Variants in PHLPP1 observed in about 807,000 individuals in gnomAD.
PHLPP1 encodes the protein PH domain leucine-rich repeat-containing protein phosphatase 1.
A neutral mutation model predicts 117.2 loss-of-function variants in PHLPP1; 42 were observed. The observed-to-expected ratio is 0.36, with a 90% CI of 0.28 to 0.46. The LOEUF (loss-of-function observed/expected upper bound fraction) is 0.46, where lower values mean the gene tolerates loss of function less well. Ranked by LOEUF, PHLPP1 falls within the 20% of genes least tolerant of loss-of-function variation. The probability of loss-of-function intolerance (pLI) is 1.00; values close to 1 mark genes in which losing one functional copy is unlikely to be tolerated. For missense variants in PHLPP1, 2,084 were observed against 2,241.9 expected (o/e 0.93, Z 1.42); for synonymous variants, 1,042 against 970.7 (o/e 1.07, Z -1.37).
rs529560556 is a variant in PHLPP1 at position 62,974,482 on chromosome 18, C to T, written c.3756-915C>T. On this transcript the variant is annotated intron_variant, in intron 15 of 16. Transcript: ENST00000262719. ...TACCTGAGGGTCTGCCCTTGTAAAACGGGAGGCTGTTTTTCTTAACTTTCT... is the reference window on the plus strand; with the variant it reads ...TACCTGAGGGTCTGCCCTTGTAAAATGGGAGGCTGTTTTTCTTAACTTTCT... 6.0e-4 allele frequency among the ~76,000 whole-genome samples: 91 copies of T among 152,222 alleles called. 1 individual carries two copies. In the South Asian group the frequency reaches 0.014, roughly 24 times the overall value.
chr18:62,740,476 A>G (rs1030271997), intron 1 of PHLPP1, among the ~76,000 whole-genome samples: 1 of 152,204 alleles, frequency 6.6e-6, no homozygotes, highest in African/African-American at 2.4e-5. Context: ...GTTCAGGTAG[A>G]TATGTAGATA....
intron 1 of PHLPP1, among the ~76,000 whole-genome samples, chr18:62,749,263 A>G (rs1339901887): frequency 6.6e-6 from 1 of 151,312 alleles, no homozygotes. Flanking sequence ...TAAGTTTTGC[A>G]GCCTCATATG....
At chr18:62,774,452 A>G (rs1446604319) in intron 1 of PHLPP1, among the ~76,000 whole-genome samples, 1 of 152,188 alleles carries the variant, frequency 6.6e-6, no homozygotes, top group East Asian at 1.9e-4. Context: ...AATGGATTGC[A>G]AAGTTGTGAT....
intron 10 of PHLPP1, among the ~76,000 whole-genome samples, chr18:62,922,493 A>AG (rs2144428767): frequency 6.6e-6 from 1 of 152,330 alleles, no homozygotes; most frequent in African/African-American, 2.4e-5. Flanking sequence ...AGATCACTTT[A>AG]GACATATGCT....
At chr18:62,955,778 C>T (rs985541491) in intron 12 of PHLPP1, among the ~76,000 whole-genome samples, 3 of 152,156 alleles carry the variant, frequency 2.0e-5, no homozygotes, top group Non-Finnish European at 4.4e-5. Flanking sequence ...TGCCTTTAAT[C>T]TTTGACCAAA....
At chr18:62,929,973 G>A (rs780335296) in intron 10 of PHLPP1, among the ~76,000 whole-genome samples, 10 of 152,014 alleles carry the variant, frequency 6.6e-5, no homozygotes, top group South Asian at 4.2e-4. Context: ...AAAATAATGC[G>A]CTTAGAAATG....
At chr18:62,772,963 C>G (rs1041402775) in intron 1 of PHLPP1, among the ~76,000 whole-genome samples, 1 of 151,914 alleles carries the variant, frequency 6.6e-6, no homozygotes. Context: ...TCCCACCCCC[C>G]CAAAAAAAAC....
chr18:62,755,492 G>T (rs1911987857), intron 1 of PHLPP1, among the ~76,000 whole-genome samples: 1 of 152,118 alleles, frequency 6.6e-6, no homozygotes. Flanking sequence ...CCTTTTTGGG[G>T]GTGATTAGGT....
intron 1 of PHLPP1, among the ~76,000 whole-genome samples, chr18:62,722,307 A>AT (rs933993130): frequency 1.3e-5 from 2 of 152,162 alleles, no homozygotes; most frequent in African/African-American, 4.8e-5. Context: ...AGATTTAATG[A>AT]TTTTGTTATG....
At chr18:62,875,836 G>A (rs533464084) in intron 4 of PHLPP1, among the ~76,000 whole-genome samples, 131 of 151,966 alleles carry the variant, frequency 8.6e-4, no homozygotes, top group Non-Finnish European at 1.7e-3. Context: ...GCGTTCAAGT[G>A]ATTCTCCTGC....
chr18:62,726,850 C>T (rs1911088602), intron 1 of PHLPP1, among the ~76,000 whole-genome samples: 1 of 151,702 alleles, frequency 6.6e-6, no homozygotes, highest in Middle Eastern at 3.2e-3. Context: ...TCCCAAAGTT[C>T]TGGGATTACA....
intron 10 of PHLPP1, among the ~76,000 whole-genome samples, chr18:62,929,274 T>A (rs544562375): frequency 6.6e-6 from 1 of 152,328 alleles, no homozygotes; most frequent in Admixed American, 6.5e-5. Flanking sequence ...TGTAGCTTTT[T>A]AGGTATACAC....
intron 2 of PHLPP1, among the ~76,000 whole-genome samples, chr18:62,834,895 A>G (rs549833486): frequency 5.3e-5 from 8 of 152,080 alleles, no homozygotes; most frequent in African/African-American, 1.9e-4. Context: ...TCCATCCCTA[A>G]GAAACCTTTT....
chr18:62,940,130 C>T (rs1259885487), intron 10 of PHLPP1, among the ~76,000 whole-genome samples: 5 of 152,042 alleles, frequency 3.3e-5, no homozygotes, highest in Admixed American at 3.3e-4. Flanking sequence ...CGTCATGAAT[C>T]AGGAGGGTCA....
intron 1 of PHLPP1, among the ~76,000 whole-genome samples, chr18:62,782,512 A>G (rs1913147378): frequency 6.6e-6 from 1 of 152,230 alleles, no homozygotes; most frequent in Non-Finnish European, 1.5e-5. Context: ...TTCTTGCTTA[A>G]AAGTATCTTA....
At position 62,927,121 on chromosome 18, in the gene PHLPP1, G is replaced by A. The variant is rs567848642; in HGVS notation, c.2960+7007G>A. 1.2e-4 allele frequency among the ~76,000 whole-genome samples: 19 copies of A among 152,242 alleles called. No individual in the cohort carries two copies. The East Asian group carries it at 2.9e-3, about 23-fold the overall frequency. On this transcript the variant is annotated intron_variant, in intron 10 of 16. Coordinates refer to ENST00000262719, the MANE Select transcript of PHLPP1 (RefSeq NM_194449.4). ...TTGGTAAAGAGGAAGCGAAGCAAAT[G>A]GGGAAAACTAAAGGTTCTACAAGAC...
intron 1 of PHLPP1, among the ~76,000 whole-genome samples, chr18:62,824,467 G>A (rs901577306): frequency 5.9e-5 from 9 of 152,136 alleles, no homozygotes; most frequent in African/African-American, 9.7e-5. Flanking sequence ...TTGCCTGAGC[G>A]CGGGAGGAAC....
At chr18:62,858,341 C>A (rs1460226693) in intron 3 of PHLPP1, among the ~76,000 whole-genome samples, 1 of 151,244 alleles carries the variant, frequency 6.6e-6, no homozygotes, top group African/African-American at 2.4e-5. Context: ...CAGCTCACTG[C>A]AACCTCTGCC....
intron 1 of PHLPP1, among the ~76,000 whole-genome samples, chr18:62,795,511 A>C (rs991917575): frequency 7.5e-4 from 114 of 151,350 alleles, no homozygotes; most frequent in Non-Finnish European, 9.0e-4. Context: ...AAAAAAAAAA[A>C]AACAACAACA....
Sources: gnomAD v4.1 joint callset for allele counts (sites outside exome capture counted in the v4.1 genomes callset) on GRCh38, gnomAD v4.1.1 for gene constraint, MANE v1.5 for transcripts, NCBI Gene and HGNC (gene_info 2026-07-23, HGNC 2026-07-21) for gene names.